SERGEF: variants seen among roughly 807,000 people sequenced by gnomAD.
SERGEF encodes the protein secretion regulating guanine nucleotide exchange factor.
Under a neutral mutation model 50.0 loss-of-function variants are expected in SERGEF, and 51 were observed. That is an observed-to-expected ratio of 1.02 (90% CI 0.81 to 1.29). The LOEUF (loss-of-function observed/expected upper bound fraction) is 1.29, where lower values mean the gene tolerates loss of function less well. Among genes scored for constraint, SERGEF ranks in the 50% most tolerant of loss-of-function variants. The pLI is 0.00. For synonymous variants in SERGEF, 205 were observed against 212.4 expected, an observed-to-expected ratio of 0.97 and a Z score of 0.30; for missense variants, 521 against 557.0, an observed-to-expected ratio of 0.94 and a Z score of 0.65.
chr11:18,010,127 T>C, intron 1 of SERGEF: 13 of 1,256,102 alleles, frequency 1.0e-5, no homozygotes, highest in Non-Finnish European at 1.4e-5. Context: ...AATATGTTTG[T>C]TTTTGAAGAC....
chr11:17,923,168 TC>T (rs1852189409), intron 9 of SERGEF, among the ~76,000 whole-genome samples: 1 of 152,182 alleles, frequency 6.6e-6, no homozygotes, highest in African/African-American at 2.4e-5. Context: ...ATCAGCTGAT[TC>T]CCGTCTATTG....
At chr11:17,955,834 C>A (rs1044967302) in intron 9 of SERGEF, among the ~76,000 whole-genome samples, 1 of 152,128 alleles carries the variant, frequency 6.6e-6, no homozygotes, top group Non-Finnish European at 1.5e-5. Context: ...CCTGAAGAAG[C>A]CTAGAACTTA....
chr11:17,921,330 G>T (rs1461386947), intron 9 of SERGEF, among the ~76,000 whole-genome samples: 1 of 152,212 alleles, frequency 6.6e-6, no homozygotes, highest in Non-Finnish European at 1.5e-5. Flanking sequence ...ATGAAAGACT[G>T]AAGGAAGATT....
At position 18,002,050 on chromosome 11, in the gene SERGEF, A is replaced by T. The variant is rs746443559; in HGVS notation, c.448-1493T>A. The T allele has an allele frequency of 3.9e-5, 18 of 456,072 alleles. 1 individual carries two copies. Among genetic ancestry groups the T allele is most frequent in the South Asian group, 2.8e-4 (18 of 64,532 alleles). 28.3% of individuals were successfully genotyped at this position (456,072 alleles called of 1,614,324 possible). On this transcript the variant is annotated intron_variant, in intron 4 of 10. Transcript: ENST00000265965. ...AGCTTTGGCCTTCCTTCTTCTGGAA[A>T]CTATACTTCTGTCAATGGAGTCCAC... is the stretch of plus-strand genomic sequence containing the variant.
intron 10 of SERGEF, among the ~76,000 whole-genome samples, chr11:17,853,069 T>C (rs1294313097): frequency 1.3e-5 from 2 of 152,180 alleles, no homozygotes; most frequent in Admixed American, 6.5e-5. Flanking sequence ...AAGTCCCACC[T>C]TAGATATATA....
intron 9 of SERGEF, among the ~76,000 whole-genome samples, chr11:17,956,044 T>C (rs1565214682): frequency 6.6e-6 from 1 of 152,192 alleles, no homozygotes; most frequent in Admixed American, 6.5e-5. Context: ...CTACCCACCC[T>C]GGAATTTTCC....
chr11:17,914,949 A>C (rs1309507575), intron 9 of SERGEF, among the ~76,000 whole-genome samples: 3 of 152,216 alleles, frequency 2.0e-5, no homozygotes, highest in Admixed American at 6.5e-5. Flanking sequence ...AAAAGCAGGA[A>C]AGGAATGGAG....
intron 9 of SERGEF, among the ~76,000 whole-genome samples, chr11:17,958,236 C>G (rs1309011276): frequency 6.6e-6 from 1 of 152,064 alleles, no homozygotes; most frequent in Non-Finnish European, 1.5e-5. Context: ...GAAGGGAAGC[C>G]CTCTAGGTAT....
chr11:17,962,046 C>A (rs1853012080), intron 8 of SERGEF, among the ~76,000 whole-genome samples: 1 of 152,146 alleles, frequency 6.6e-6, no homozygotes, highest in South Asian at 2.1e-4. Flanking sequence ...TGAGTTCAAT[C>A]AACAACCAAA....
chr11:18,008,336 T>C (rs1391117343), intron 1 of SERGEF, among the ~76,000 whole-genome samples: 1 of 152,160 alleles, frequency 6.6e-6, no homozygotes, highest in Non-Finnish European at 1.5e-5. Context: ...TGTAATCCCA[T>C]TAGAAAGAGA....
At chr11:17,819,596 C>T (rs1400006771) in intron 10 of SERGEF, among the ~76,000 whole-genome samples, 2 of 152,202 alleles carry the variant, frequency 1.3e-5, no homozygotes, top group Non-Finnish European at 2.9e-5. Context: ...ACTCTGCCTC[C>T]GGTGCAGGAC....
At chr11:17,829,355 C>G (rs1850254420) in intron 10 of SERGEF, among the ~76,000 whole-genome samples, 1 of 152,214 alleles carries the variant, frequency 6.6e-6, no homozygotes, top group Non-Finnish European at 1.5e-5. Context: ...CTGAGGTTCT[C>G]CATTTCTAAT....
intron 10 of SERGEF, among the ~76,000 whole-genome samples, chr11:17,876,711 A>C (rs547432732): frequency 6.6e-6 from 1 of 152,308 alleles, no homozygotes; most frequent in South Asian, 2.1e-4. Flanking sequence ...CTTCATCTGG[A>C]TTTTGTGCTT....
At chr11:17,827,888 CT>C (rs1325051179) in intron 10 of SERGEF, among the ~76,000 whole-genome samples, 2 of 152,138 alleles carry the variant, frequency 1.3e-5, no homozygotes, top group Non-Finnish European at 2.9e-5. Flanking sequence ...AGTGGAAGAG[CT>C]TTTTGTATAA....
At chr11:17,976,976 G>A (rs1590228981) in intron 8 of SERGEF, among the ~76,000 whole-genome samples, 2 of 152,342 alleles carry the variant, frequency 1.3e-5, no homozygotes, top group South Asian at 4.1e-4. Context: ...CAGCCTCAGG[G>A]AGCTGAGGCT....
At chr11:17,862,154 T>A (rs999825724) in intron 10 of SERGEF, among the ~76,000 whole-genome samples, 6 of 152,302 alleles carry the variant, frequency 3.9e-5, no homozygotes, top group Non-Finnish European at 7.4e-5. Flanking sequence ...GCCTTCTCCA[T>A]ACTTTTGTTC....
chr11:17,807,215 G>A (rs541081900), intron 10 of SERGEF, among the ~76,000 whole-genome samples: 6 of 152,200 alleles, frequency 3.9e-5, no homozygotes, highest in South Asian at 4.2e-4. Flanking sequence ...TGGAATGTCC[G>A]GACATGTGAT....
intron 7 of SERGEF, among the ~76,000 whole-genome samples, chr11:17,989,458 C>CTGTT (rs1272217168): frequency 3.9e-5 from 6 of 152,228 alleles, no homozygotes; most frequent in African/African-American, 1.4e-4. Flanking sequence ...GAAGGGAAGG[C>CTGTT]TGTTGGTCTA....
rs1850283041 is a variant in SERGEF, at chr11:17,830,643, AGGGAGG to A, written c.1049-42236_1049-42231del. Among the ~76,000 whole-genome samples, 7 of 80,656 alleles carry A rather than the reference AGGGAGG, an allele frequency of 8.7e-5. No individual in the cohort carries two copies. In the South Asian group the frequency reaches 3.6e-3, roughly 42 times the overall value. 52.9% of individuals were successfully genotyped at this position (80,656 alleles called of 152,430 possible). On this transcript the variant is annotated intron_variant, in intron 10 of 10. Coordinates refer to ENST00000265965, the MANE Select transcript of SERGEF (RefSeq NM_012139.4). ...GAGAGAGAGGGAAAGGGGGAGGGAG[AGGGAGG>A]GAGAGAGAGAGAGAGAGAGAGAGAG...
Sources: allele counts gnomAD v4.1 joint callset (sites outside exome capture counted in the v4.1 genomes callset), GRCh38; gene constraint gnomAD v4.1.1; transcripts MANE v1.5; gene names NCBI Gene and HGNC (gene_info 2026-07-23, HGNC 2026-07-21).